The following ATP2B2 variants were observed in gnomAD, a reference collection of about 807,000 sequenced individuals.
ATP2B2 encodes plasma membrane calcium-transporting ATPase 2.
A neutral mutation model predicts 120.0 loss-of-function variants in ATP2B2; 15 were observed. That is an observed-to-expected ratio of 0.12 (90% CI 0.08 to 0.19). The LOEUF is 0.19. Among genes scored for constraint, ATP2B2 ranks in the 10% least tolerant of loss-of-function variants. The pLI is 1.00. For synonymous variants in ATP2B2, 694 were observed against 700.3 expected, an observed-to-expected ratio of 0.99 and a Z score of 0.14; for missense variants, 1,045 against 1,719.8, an observed-to-expected ratio of 0.61 and a Z score of 6.94.
chr3:10,546,244 G>A (rs1275116454), intron 2 of ATP2B2, among the ~76,000 whole-genome samples: 1 of 152,124 alleles, frequency 6.6e-6, no homozygotes. Flanking sequence ...GGGATTCTGC[G>A]CAATAAGACC....
chr3:10,406,396 T>C (rs148714979), intron 3 of ATP2B2, among the ~76,000 whole-genome samples: 57 of 152,360 alleles, frequency 3.7e-4, no homozygotes, highest in African/African-American at 1.1e-3. Context: ...TCATGAGCCA[T>C]GCAAGGCCGT....
intron 1 of ATP2B2, among the ~76,000 whole-genome samples, chr3:10,622,412 C>T (rs907695321): frequency 2.6e-5 from 4 of 152,130 alleles, no homozygotes; most frequent in Non-Finnish European, 4.4e-5. Context: ...TTGACAGCAG[C>T]CATGAACTCT....
intron 2 of ATP2B2, among the ~76,000 whole-genome samples, chr3:10,554,578 C>T (rs1290259135): frequency 3.3e-5 from 5 of 152,248 alleles, no homozygotes; most frequent in African/African-American, 4.8e-5. Flanking sequence ...TTCTCCCCCG[C>T]AGCCTCCAGA....
intron 1 of ATP2B2, among the ~76,000 whole-genome samples, chr3:10,483,070 C>T (rs1409082803): frequency 6.6e-6 from 1 of 152,212 alleles, no homozygotes. Flanking sequence ...GTTAGGATTC[C>T]CAGAGGTGGA....
chr3:10,345,879 G>A (rs535519720), intron 17 of ATP2B2, 152 bp downstream of exon 17: 151 of 794,354 alleles, frequency 1.9e-4, no homozygotes, highest in Middle Eastern at 4.6e-4. Context: ...GGAAGACCTC[G>A]GGGTCAGGCT....
intron 1 of ATP2B2, among the ~76,000 whole-genome samples, chr3:10,620,753 A>G (rs1172976080): frequency 2.6e-5 from 4 of 152,110 alleles, no homozygotes; most frequent in Non-Finnish European, 5.9e-5. Flanking sequence ...CGGTCACTCT[A>G]TATCTCACCA....
At chr3:10,338,019 G>C (rs562236769) in intron 22 of ATP2B2, among the ~76,000 whole-genome samples, 157 bp downstream of exon 22, 1 of 152,242 alleles carries the variant, frequency 6.6e-6, no homozygotes, top group South Asian at 2.1e-4. Context: ...ACAGGAGTGG[G>C]TGTGCAAGTG....
intron 3 of ATP2B2, among the ~76,000 whole-genome samples, chr3:10,403,060 C>A (rs1301397030): frequency 6.6e-6 from 1 of 151,994 alleles, no homozygotes; most frequent in African/African-American, 2.4e-5. Context: ...GGAAGATGAG[C>A]TGGTTCTAAT....
intron 3 of ATP2B2, among the ~76,000 whole-genome samples, chr3:10,528,480 TAGA>T (rs1456317708): frequency 1.3e-5 from 2 of 152,158 alleles, no homozygotes; most frequent in Non-Finnish European, 2.9e-5. Flanking sequence ...TTTCTCTTCA[TAGA>T]GAAACAGGAA....
chr3:10,359,854 C>G, intron 13 of ATP2B2, 28 bp downstream of exon 13: 2 of 1,614,016 alleles, frequency 1.2e-6, no homozygotes, highest in Non-Finnish European at 1.7e-6. Flanking sequence ...GCACAGCCCT[C>G]AGCCCCGGTG....
chr3:10,676,857 T>C (rs1191482780), intron 1 of ATP2B2, among the ~76,000 whole-genome samples: 1 of 152,214 alleles, frequency 6.6e-6, no homozygotes, highest in Non-Finnish European at 1.5e-5. Context: ...CATTTAAAAC[T>C]ATGTCATGGT....
chr3:10,390,072 C>T (rs73016606), intron 5 of ATP2B2, among the ~76,000 whole-genome samples: 6,849 of 152,238 alleles, frequency 0.045, 174 homozygotes, highest in Middle Eastern at 0.071. Context: ...GACACACTAC[C>T]TTCTCAGATG....
chr3:10,606,209 T>C (rs546210616), intron 2 of ATP2B2, among the ~76,000 whole-genome samples: 6 of 152,336 alleles, frequency 3.9e-5, no homozygotes, highest in Admixed American at 3.3e-4. Context: ...GCTCTGCCGC[T>C]TGTGATCTGC....
At chr3:10,447,165 C>G (rs971565621) in intron 2 of ATP2B2, among the ~76,000 whole-genome samples, 1 of 152,206 alleles carries the variant, frequency 6.6e-6, no homozygotes, top group Admixed American at 6.5e-5. Flanking sequence ...GCTCCCCCAC[C>G]TTAGGCTGGG....
intron 1 of ATP2B2, among the ~76,000 whole-genome samples, chr3:10,475,407 T>C (rs2065168318): frequency 1.3e-5 from 2 of 152,182 alleles, no homozygotes; most frequent in Admixed American, 1.3e-4. Context: ...AATGCCTCTC[T>C]GGCTGGGGAA....
chr3:10,616,722 T>A (rs1270064268), intron 2 of ATP2B2, among the ~76,000 whole-genome samples: 2 of 152,178 alleles, frequency 1.3e-5, no homozygotes, highest in Admixed American at 6.5e-5. Context: ...GCAGAGGATT[T>A]TTTCTTAACT....
At chr3:10,649,991 C>T (rs747008220) in intron 1 of ATP2B2, among the ~76,000 whole-genome samples, 30 of 152,172 alleles carry the variant, frequency 2.0e-4, no homozygotes, top group Admixed American at 5.2e-4. Flanking sequence ...CAATAAAGAT[C>T]GGCAGCGTGA....
chr3:10,398,428 G>T (rs1208622348), intron 5 of ATP2B2, among the ~76,000 whole-genome samples: 1 of 152,222 alleles, frequency 6.6e-6, no homozygotes, highest in East Asian at 1.9e-4. Flanking sequence ...GCCTGTAGTG[G>T]CTTTTTGCAG....
chr3:10,461,497 C>G lies in ATP2B2; in HGVS notation c.-319-11635G>C, dbSNP rs60142420. 6.0e-3 allele frequency among the ~76,000 whole-genome samples: 919 copies of G among 152,314 alleles called. 16 individuals are homozygous for G. Among genetic ancestry groups the G allele is most frequent in the African/African-American group, 0.021 (868 of 41,564 alleles). Reference sequence around the variant, plus strand: ...TCATGGTAAAGGTGTTCTCTCCTTCCTCTCCTGATAAAGTCTTCTCTGGGT... The same window carrying G: ...TCATGGTAAAGGTGTTCTCTCCTTCGTCTCCTGATAAAGTCTTCTCTGGGT... On this transcript the variant is annotated intron_variant, in intron 1 of 22. Transcript: ENST00000360273.
Sources: gnomAD v4.1 joint callset for allele counts (sites outside exome capture counted in the v4.1 genomes callset) on GRCh38, gnomAD v4.1.1 for gene constraint, MANE v1.5 for transcripts, NCBI Gene and HGNC (gene_info 2026-07-23, HGNC 2026-07-21) for gene names.